The following CHAF1B variants were observed in gnomAD, a reference collection of about 807,000 sequenced individuals.
CHAF1B encodes the protein CAF-1 subunit B.
A neutral mutation model predicts 60.7 loss-of-function variants in CHAF1B; 10 were observed. The ratio of observed to expected loss-of-function variants is 0.16; its 90% CI spans 0.10 to 0.28. CHAF1B has a LOEUF of 0.28. Ranked by LOEUF, CHAF1B falls within the 10% of genes least tolerant of loss-of-function variation. CHAF1B has a pLI of 1.00. For synonymous variants in CHAF1B, 261 were observed against 266.1 expected (o/e 0.98, Z 0.19); for missense variants, 558 against 708.4 (o/e 0.79, Z 2.41).
In CHAF1B at chr21:36,416,292, C is replaced by T. The variant is rs778930055; in HGVS notation, c.1606C>T (p.Gln536Ter). 3 of 1,613,984 alleles carry T rather than the reference C, an allele frequency of 1.9e-6. No individual in the cohort carries two copies. Among genetic ancestry groups the T allele is most frequent in the Non-Finnish European group, 2.5e-6 (3 of 1,179,952 alleles). The change falls in exon 14 of 14, where the codon CAG becomes TAG. Residue 536 changes from glutamine to a stop codon, truncating the protein, a stop_gained. Transcript: ENST00000314103. LOFTEE classifies it low-confidence loss of function (END_TRUNC). ...EIQSETPGDA[Q>*]GSPPELKRPR... is the part of the protein sequence containing the mutation. ...TGTTGCAGAGACGCCTGGAGACGCT[C>T]AGGGCAGTCCCCCAGAGCTAAAGCG...
chr21:36,402,887 G>A, intron 8 of CHAF1B, 36 bp downstream of exon 8: 2 of 1,513,230 alleles, frequency 1.3e-6, no homozygotes, highest in Non-Finnish European at 1.8e-6. Flanking sequence ...AGGAATGATG[G>A]CCGAGTGGGG....
At chr21:36,393,371 T>C (rs1359255375) in intron 4 of CHAF1B, among the ~76,000 whole-genome samples, 2 of 152,048 alleles carry the variant, frequency 1.3e-5, no homozygotes, top group Non-Finnish European at 2.9e-5. Flanking sequence ...GAAAGCATAA[T>C]TAAAATGGAT....
In CHAF1B at chr21:36,386,172, C is replaced by T. The variant is rs1212660456; in HGVS notation, c.36C>T (p.Asn12=). ...KVITCEIAWH[N]KEPVYSLDFQ... is the part of the protein sequence containing the mutation. ...TCACTTGTGAAATAGCCTGGCACAA[C>T]AAGGAGCCCGTGTACAGCCTGGACT... Residue 12 remains asparagine (N), a synonymous_variant, in exon 2 of 14, where the codon AAC becomes AAT. Coordinates refer to ENST00000314103, the MANE Select transcript of CHAF1B (RefSeq NM_005441.3). 6.2e-7 allele frequency: 1 copy of T among 1,614,060 alleles called. No homozygotes were observed. The highest frequency in any genetic ancestry group is 1.7e-5 in the Admixed American group (1 of 60,006).
At chr21:36,388,700 C>G (rs1267700238) in intron 3 of CHAF1B, among the ~76,000 whole-genome samples, 2 of 152,066 alleles carry the variant, frequency 1.3e-5, no homozygotes, top group Admixed American at 6.5e-5. Flanking sequence ...CTCCTGAGCT[C>G]AGGCAATCTG....
intron 8 of CHAF1B, among the ~76,000 whole-genome samples, chr21:36,403,975 C>T (rs976389738): frequency 3.3e-5 from 5 of 152,078 alleles, no homozygotes; most frequent in Non-Finnish European, 7.4e-5. Context: ...AAGAACACTG[C>T]GGAACATGTG....
chr21:36,401,985 C>A (rs1045361506), intron 7 of CHAF1B, among the ~76,000 whole-genome samples: 1 of 152,110 alleles, frequency 6.6e-6, no homozygotes, highest in African/African-American at 2.4e-5. Flanking sequence ...AAGTGATCCG[C>A]CCGCCTTGGC....
chr21:36,391,778 G>A (rs118053617), intron 4 of CHAF1B, 110 bp downstream of exon 4: 15,941 of 691,464 alleles, frequency 0.023, 303 homozygotes, highest in Admixed American at 0.062. Context: ...TCTCATTGTC[G>A]CCCAGGCTGG....
At chr21:36,411,694 A>G in intron 11 of CHAF1B, 90 bp downstream of exon 11, 3 of 1,457,914 alleles carry the variant, frequency 2.1e-6, no homozygotes, top group African/African-American at 1.4e-5. Flanking sequence ...TTTCATTACT[A>G]AAGATGGCTT....
In CHAF1B at chr21:36,412,948, G is replaced by C; in HGVS notation, c.1126G>C (p.Glu376Gln). ...CGGTTACTGCTCATTTGTGACATTT[G>C]AGAAAGATGAACTTGGAATTCCTTT... ...TDGYCSFVTFEKDELGIPLKE... is the reference protein window; with the variant it reads ...TDGYCSFVTFQKDELGIPLKE... Residue 376 changes from glutamate to glutamine, a missense_variant, in exon 12 of 14, where the codon GAG becomes CAG. Transcript: ENST00000314103. The C allele has an allele frequency of 6.2e-7, 1 of 1,614,194 alleles. No individual in the cohort carries two copies. The highest frequency in any genetic ancestry group is 8.5e-7 in the Non-Finnish European group (1 of 1,180,050).
intron 8 of CHAF1B, among the ~76,000 whole-genome samples, chr21:36,406,841 T>C (rs1465213047): frequency 6.6e-6 from 1 of 152,148 alleles, no homozygotes; most frequent in Non-Finnish European, 1.5e-5. Context: ...ATTGAATGAG[T>C]AGTGCTGGGG....
chr21:36,389,824 G>A (rs569236661), intron 3 of CHAF1B, among the ~76,000 whole-genome samples: 22 of 135,178 alleles, frequency 1.6e-4, no homozygotes, highest in African/African-American at 7.1e-4. Flanking sequence ...GATTTGTAGA[G>A]GGAAAAGTGG....
chr21:36,393,232 GGAGGGAGAGGGA>G (rs748425761), intron 4 of CHAF1B, among the ~76,000 whole-genome samples: 3 of 151,834 alleles, frequency 2.0e-5, no homozygotes, highest in Non-Finnish European at 2.9e-5. Context: ...GGGAGACGGT[GGAGGGAGAGGGA>G]GAGGGAGAGG....
intron 5 of CHAF1B, among the ~76,000 whole-genome samples, chr21:36,396,792 C>T (rs947864451): frequency 6.6e-6 from 1 of 152,088 alleles, no homozygotes; most frequent in Non-Finnish European, 1.5e-5. Flanking sequence ...TCTGGGCCCT[C>T]CTCATCTCTC....
Position 36,418,250 on chromosome 21 carries a change from G to A in CHAF1B, c.*1884G>A, listed in dbSNP as rs1205855683. 1 of 151,540 alleles carries A rather than the reference G, an allele frequency of 6.6e-6. No homozygotes were observed. Among genetic ancestry groups the A allele is most frequent in the Non-Finnish European group, 1.5e-5 (1 of 67,856 alleles). The allele number at this position is 151,540 out of a possible 1,614,324, so 9.4% of individuals were successfully genotyped here. A position where few individuals can be genotyped will look rare whatever the true frequency, so the allele number is the denominator to read the frequency against. On this transcript the variant is annotated 3_prime_UTR_variant, in exon 14 of 14. Transcript: ENST00000314103. ...GCTGGTCTCCAACGCCTGACCTCGTGATCTGCCCACCTCAGCCTCCCAAAG... is the reference window on the plus strand; with the variant it reads ...GCTGGTCTCCAACGCCTGACCTCGTAATCTGCCCACCTCAGCCTCCCAAAG...
intron 12 of CHAF1B, 61 bp downstream of exon 12, chr21:36,413,376 C>T: frequency 1.2e-5 from 17 of 1,455,758 alleles, no homozygotes; most frequent in Non-Finnish European, 1.6e-5. Context: ...AGACAGAACG[C>T]TCCCACCCTG....
chr21:36,406,470 G>C (rs566909599), intron 8 of CHAF1B, among the ~76,000 whole-genome samples: 81 of 152,226 alleles, frequency 5.3e-4, no homozygotes, highest in African/African-American at 1.8e-3. Flanking sequence ...ATTTTTAGTA[G>C]AGATGAGGTT....
At chr21:36,390,520 G>C (rs555644889) in intron 3 of CHAF1B, among the ~76,000 whole-genome samples, 10 of 152,206 alleles carry the variant, frequency 6.6e-5, no homozygotes, top group African/African-American at 2.4e-4. Context: ...GTGACCTCAG[G>C]CTAAAGTACC....
At chr21:36,386,851 C>T (rs1016513514) in intron 2 of CHAF1B, among the ~76,000 whole-genome samples, 1 of 151,918 alleles carries the variant, frequency 6.6e-6, no homozygotes, top group Non-Finnish European at 1.5e-5. Context: ...ATAACTGGGA[C>T]TACAGCCGCT....
intron 8 of CHAF1B, among the ~76,000 whole-genome samples, chr21:36,405,613 TAG>T (rs1008479597): frequency 2.0e-5 from 3 of 151,950 alleles, no homozygotes; most frequent in Non-Finnish European, 2.9e-5. Context: ...TATTTTTTTG[TAG>T]AGACATGGTC....
Sources: allele counts gnomAD v4.1 joint callset (sites outside exome capture counted in the v4.1 genomes callset), GRCh38; gene constraint gnomAD v4.1.1; transcripts MANE v1.5; gene names NCBI Gene and HGNC (gene_info 2026-07-23, HGNC 2026-07-21).